FLT1: variants seen among roughly 807,000 people sequenced by gnomAD.
FLT1 encodes vascular endothelial growth factor receptor 1.
FLT1 carries 49 observed loss-of-function variants against 156.3 expected under a neutral mutation model. The ratio of observed to expected loss-of-function variants is 0.31; its 90% CI spans 0.25 to 0.40. The LOEUF (loss-of-function observed/expected upper bound fraction) is 0.40. Among genes scored for constraint, FLT1 ranks in the 10% least tolerant of loss-of-function variants. The probability of loss-of-function intolerance (pLI) is 1.00; values close to 1 mark genes in which losing one functional copy is unlikely to be tolerated. For synonymous variants in FLT1, 594 were observed against 583.8 expected (o/e 1.02, Z -0.25); for missense variants, 1,322 against 1,637.2 (o/e 0.81, Z 3.32).
At chr13:28,370,390 A>T (rs1873507640) in intron 14 of FLT1, among the ~76,000 whole-genome samples, 1 of 152,164 alleles carries the variant, frequency 6.6e-6, no homozygotes, top group South Asian at 2.1e-4. Flanking sequence ...TGGGTGCAGC[A>T]CACCAACATG....
At chr13:28,320,430 A>G (rs1366034881) in intron 23 of FLT1, among the ~76,000 whole-genome samples, 5 of 152,176 alleles carry the variant, frequency 3.3e-5, no homozygotes, top group African/African-American at 9.7e-5. Flanking sequence ...AGCACCTTCT[A>G]GAACAAACAT....
Position 28,302,564 on chromosome 13 carries a change from A to AG in FLT1, c.*602dup. On this transcript the variant is annotated 3_prime_UTR_variant, in exon 30 of 30. Transcript: ENST00000282397. ...GGGCCCTCAAATGTAGAAGGGTCAGAGCTGGGAAGCCACTGAAATGGCATT... is the reference window on the plus strand; with the variant it reads ...GGGCCCTCAAATGTAGAAGGGTCAGAGGCTGGGAAGCCACTGAAATGGCATT... The AG allele has an allele frequency of 4.3e-6, 1 of 233,680 alleles. No individual in the cohort carries two copies. The highest frequency in any genetic ancestry group is 1.8e-4 in the South Asian group (1 of 5,534). 14.5% of individuals were successfully genotyped at this position (233,680 alleles called of 1,614,324 possible).
chr13:28,376,677 T>TAAAA (rs1405384966), intron 14 of FLT1, among the ~76,000 whole-genome samples: 4 of 152,232 alleles, frequency 2.6e-5, no homozygotes, highest in Non-Finnish European at 5.9e-5. Context: ...ACAGTGCCAC[T>TAAAA]GTGAAGAGGG....
chr13:28,406,756 C>A (rs894006501), intron 10 of FLT1, among the ~76,000 whole-genome samples: 3 of 152,226 alleles, frequency 2.0e-5, no homozygotes, highest in Non-Finnish European at 2.9e-5. Context: ...AGCAATCCTG[C>A]CGCTTCAGCC....
intron 3 of FLT1, among the ~76,000 whole-genome samples, chr13:28,455,986 G>A (rs972433040): frequency 6.6e-6 from 1 of 152,210 alleles, no homozygotes; most frequent in African/African-American, 2.4e-5. Flanking sequence ...TTGGCAAGGA[G>A]GCAGAGTGAT....
chr13:28,462,114 A>C (rs1033157116), intron 3 of FLT1, among the ~76,000 whole-genome samples: 1 of 152,184 alleles, frequency 6.6e-6, no homozygotes, highest in Admixed American at 6.5e-5. Context: ...GGTGAGAGAG[A>C]GATATAAGCT....
At chr13:28,368,598 A>G in intron 14 of FLT1, 1 of 1,477,060 alleles carries the variant, frequency 6.8e-7, no homozygotes, top group Non-Finnish European at 9.3e-7. Context: ...GATGATGATG[A>G]CGATGATGAT....
At chr13:28,389,721 G>T (rs757576314) in intron 13 of FLT1, 75 bp downstream of exon 13, 4 of 1,611,550 alleles carry the variant, frequency 2.5e-6, no homozygotes, top group Non-Finnish European at 3.4e-6. Flanking sequence ...ACATTACTTT[G>T]TGTGGTACAA....
At chr13:28,359,985 C>T (rs111338864) in intron 14 of FLT1, among the ~76,000 whole-genome samples, 2,442 of 152,064 alleles carry the variant, frequency 0.016, 63 homozygotes, top group African/African-American at 0.055. Context: ...GTGGCGAATG[C>T]CTGTAATCCT....
At chr13:28,333,020 T>C (rs7995813) in intron 18 of FLT1, among the ~76,000 whole-genome samples, 143,809 of 152,314 alleles carry the variant, frequency 0.94, 68,262 homozygotes, top group East Asian at 1. Flanking sequence ...CAGAGCAGAA[T>C]TGGCAGGTTC....
intron 17 of FLT1, among the ~76,000 whole-genome samples, chr13:28,335,388 CCTT>C (rs1326935134): frequency 6.6e-6 from 1 of 152,124 alleles, no homozygotes; most frequent in Non-Finnish European, 1.5e-5. Context: ...AGTTAATGAA[CCTT>C]CTTTCCTCCC....
At chr13:28,360,472 T>G (rs1873072266) in intron 14 of FLT1, among the ~76,000 whole-genome samples, 3 of 152,202 alleles carry the variant, frequency 2.0e-5, no homozygotes, top group African/African-American at 7.2e-5. Context: ...TTTTTAAAAT[T>G]TGGTGTATAT....
At chr13:28,374,803 G>A (rs1481321392) in intron 14 of FLT1, among the ~76,000 whole-genome samples, 1 of 152,016 alleles carries the variant, frequency 6.6e-6, no homozygotes, top group Non-Finnish European at 1.5e-5. Context: ...GTGAGCCACC[G>A]TGCCCGGCCC....
intron 15 of FLT1, among the ~76,000 whole-genome samples, chr13:28,350,157 G>A (rs1872695434): frequency 6.6e-6 from 1 of 152,210 alleles, no homozygotes; most frequent in Non-Finnish European, 1.5e-5. Flanking sequence ...GGAAATGTGG[G>A]TGGGATTTGA....
chr13:28,368,534 G>C (rs1202139180), intron 14 of FLT1: 1 of 1,546,174 alleles, frequency 6.5e-7, no homozygotes, highest in Non-Finnish European at 8.7e-7. Flanking sequence ...TTCAATAAAT[G>C]GTAGCTATGA....
At chr13:28,371,671 T>C (rs1286994550) in intron 14 of FLT1, among the ~76,000 whole-genome samples, 3 of 152,270 alleles carry the variant, frequency 2.0e-5, no homozygotes, top group Non-Finnish European at 4.4e-5. Context: ...AAAAATCATA[T>C]GCTGAGGTTG....
intron 10 of FLT1, among the ~76,000 whole-genome samples, chr13:28,410,505 C>T (rs1876098521): frequency 1.3e-5 from 2 of 152,182 alleles, no homozygotes; most frequent in African/African-American, 4.8e-5. Flanking sequence ...AAATGATTTC[C>T]TGCCAGTCTA....
rs571869478 is a variant in FLT1, at chr13:28,365,445, G to A, written c.2117-7760C>T. Reference sequence around the variant, plus strand: ...TCGGCTCACTGCAACCTCTGCTCCCGGACTCAAGGGATTCTCCTGCCTCAG... The same window carrying A: ...TCGGCTCACTGCAACCTCTGCTCCCAGACTCAAGGGATTCTCCTGCCTCAG... On this transcript the variant is annotated intron_variant, in intron 14 of 29. Coordinates refer to ENST00000282397, the MANE Select transcript of FLT1 (RefSeq NM_002019.4). 4.0e-5 allele frequency among the ~76,000 whole-genome samples: 6 copies of A among 151,772 alleles called. No individual in the cohort carries two copies. The South Asian group carries it at 6.2e-4, about 16-fold the overall frequency.
chr13:28,453,933 C>G (rs1419179884), intron 3 of FLT1, among the ~76,000 whole-genome samples: 1 of 152,042 alleles, frequency 6.6e-6, no homozygotes, highest in African/African-American at 2.4e-5. Flanking sequence ...AGTAGGAGCA[C>G]CATCCCGAGT....
Sources: allele counts gnomAD v4.1 joint callset (sites outside exome capture counted in the v4.1 genomes callset), GRCh38; gene constraint gnomAD v4.1.1; transcripts MANE v1.5; gene names NCBI Gene and HGNC (gene_info 2026-07-23, HGNC 2026-07-21).